Variants in NMNAT3 observed in about 807,000 individuals in gnomAD.
NMNAT3 encodes the protein nicotinamide/nicotinic acid mononucleotide adenylyltransferase 3.
In NMNAT3, 21 loss-of-function variants were observed where a neutral mutation model predicts 24.8. The observed-to-expected ratio is 0.85, with a 90% confidence interval of 0.60 to 1.22. The LOEUF is 1.22. Ranked by LOEUF, NMNAT3 falls within the 50% of genes most tolerant of loss-of-function variation. NMNAT3 has a pLI of 0.00. For synonymous variants in NMNAT3, 136 were observed against 155.2 expected (o/e 0.88, Z 0.92); for missense variants, 387 against 436.6 (o/e 0.89, Z 1.01).
At chr3:139,592,993 C>G (rs2108178094) in intron 3 of NMNAT3, among the ~76,000 whole-genome samples, 1 of 152,208 alleles carries the variant, frequency 6.6e-6, no homozygotes, top group East Asian at 1.9e-4. Flanking sequence ...TGTAAATGGA[C>G]TAAATGCTCC....
intron 3 of NMNAT3, among the ~76,000 whole-genome samples, chr3:139,616,764 T>TTC (rs904038020): frequency 3.3e-5 from 5 of 152,164 alleles, no homozygotes; most frequent in African/African-American, 1.2e-4. Context: ...TCATCCACTC[T>TTC]TCTCTCTCTC....
In NMNAT3 at chr3:139,627,744, C is replaced by G; in HGVS notation, c.-20G>C. ...CTTCATCTTGTCAGGCACATCCACACCTGTTGCAGTGGCCACCCTGCTTTT... is the reference window on the plus strand; with the variant it reads ...CTTCATCTTGTCAGGCACATCCACAGCTGTTGCAGTGGCCACCCTGCTTTT... On this transcript the variant is annotated 5_prime_UTR_variant, in exon 3 of 7. Coordinates refer to ENST00000643695, the MANE Select transcript of NMNAT3 (RefSeq NM_001320510.2). 6.6e-7 allele frequency: 1 copy of G among 1,513,120 alleles called. No individual in the cohort carries two copies. Among genetic ancestry groups the G allele is most frequent in the Non-Finnish European group, 8.9e-7 (1 of 1,117,368 alleles). The allele number at this position is 1,513,120 out of a possible 1,614,324, so 93.7% of individuals were successfully genotyped here.
intron 1 of NMNAT3, among the ~76,000 whole-genome samples, chr3:139,668,415 G>A (rs1463996282): frequency 6.6e-6 from 1 of 152,156 alleles, no homozygotes; most frequent in African/African-American, 2.4e-5. Flanking sequence ...ATAATTTGGG[G>A]CTTCCTGTTT....
At chr3:139,666,191 C>T (rs370771287) in intron 1 of NMNAT3, among the ~76,000 whole-genome samples, 5 of 152,154 alleles carry the variant, frequency 3.3e-5, no homozygotes, top group African/African-American at 1.2e-4. Flanking sequence ...ACATGCCTCC[C>T]ACAGAGAGGT....
intron 3 of NMNAT3, among the ~76,000 whole-genome samples, chr3:139,601,511 A>G (rs2054715489): frequency 6.6e-6 from 1 of 152,244 alleles, no homozygotes; most frequent in South Asian, 2.1e-4. Flanking sequence ...TATCAGTAGA[A>G]TCTGAATTTT....
intron 3 of NMNAT3, among the ~76,000 whole-genome samples, chr3:139,591,736 C>T (rs200077814): frequency 2.1e-3 from 273 of 130,968 alleles, no homozygotes; most frequent in South Asian, 5.1e-3. Context: ...CCGGGTACTC[C>T]AACAGACCTG....
chr3:139,597,319 A>G (rs964692972), intron 3 of NMNAT3, among the ~76,000 whole-genome samples: 1 of 152,050 alleles, frequency 6.6e-6, no homozygotes, highest in African/African-American at 2.4e-5. Flanking sequence ...AAAAATCCCC[A>G]AGTAGGTGCT....
Position 139,596,916 on chromosome 3 carries a change from G to GTA in NMNAT3, c.110-13710_110-13709dup, listed in dbSNP as rs58824425. Among the ~76,000 whole-genome samples, 275 of 96,808 alleles carry GTA rather than the reference G, an allele frequency of 2.8e-3. 1 individual carries two copies. The highest frequency in any genetic ancestry group is 8.9e-3 in the African/African-American group (214 of 24,098). 63.5% of individuals were successfully genotyped at this position (96,808 alleles called of 152,430 possible). On this transcript the variant is annotated intron_variant, in intron 3 of 6. Coordinates refer to ENST00000643695, the MANE Select transcript of NMNAT3 (RefSeq NM_001320510.2). ...TTTCCACTATATTTTTGTCATGTGT[G>GTA]TATATATATATATATATATATATAT...
intron 3 of NMNAT3, among the ~76,000 whole-genome samples, chr3:139,605,589 G>T (rs2054906583): frequency 6.6e-6 from 1 of 152,052 alleles, no homozygotes; most frequent in Admixed American, 6.6e-5. Flanking sequence ...TGTTTACAGG[G>T]TTTATATTCT....
intron 1 of NMNAT3, among the ~76,000 whole-genome samples, chr3:139,656,575 G>A (rs985458556): frequency 2.0e-5 from 3 of 152,138 alleles, no homozygotes; most frequent in Non-Finnish European, 4.4e-5. Flanking sequence ...ATTGCTTGAG[G>A]TTAGGAGTTT....
chr3:139,589,389 G>A (rs1323331620), intron 3 of NMNAT3, among the ~76,000 whole-genome samples: 1 of 152,204 alleles, frequency 6.6e-6, no homozygotes, highest in Non-Finnish European at 1.5e-5. Flanking sequence ...AACATTATAA[G>A]ATTTTAGATG....
At chr3:139,600,603 A>G (rs923058785) in intron 3 of NMNAT3, among the ~76,000 whole-genome samples, 2 of 152,048 alleles carry the variant, frequency 1.3e-5, no homozygotes, top group Non-Finnish European at 2.9e-5. Context: ...ACCTGGATCT[A>G]TTCTTCTCCC....
intron 3 of NMNAT3, among the ~76,000 whole-genome samples, chr3:139,625,647 A>G (rs2056018378): frequency 1.3e-5 from 2 of 152,134 alleles, no homozygotes; most frequent in African/African-American, 4.8e-5. Context: ...AAATCCCACA[A>G]TGTATTGTTA....
chr3:139,638,509 C>G (rs1235724676), intron 1 of NMNAT3, among the ~76,000 whole-genome samples: 1 of 151,796 alleles, frequency 6.6e-6, no homozygotes, highest in African/African-American at 2.4e-5. Context: ...GTAATGACAT[C>G]AGGGGACAGC....
intron 6 of NMNAT3, chr3:139,567,707 G>C (rs1404030318): frequency 6.6e-6 from 1 of 152,186 alleles, no homozygotes; most frequent in Non-Finnish European, 1.5e-5. Flanking sequence ...GATCATGGTG[G>C]ATATGCTTTT....
At chr3:139,644,785 C>T (rs542276154) in intron 1 of NMNAT3, among the ~76,000 whole-genome samples, 3 of 152,110 alleles carry the variant, frequency 2.0e-5, no homozygotes, top group East Asian at 1.9e-4. Flanking sequence ...TGAACACATA[C>T]GTGGTCATAA....
chr3:139,596,013 A>G (rs1014896549), intron 3 of NMNAT3, among the ~76,000 whole-genome samples: 1 of 152,202 alleles, frequency 6.6e-6, no homozygotes, highest in Non-Finnish European at 1.5e-5. Context: ...CTACCATCAG[A>G]CTGAACAGGC....
At chr3:139,576,777 C>A (rs544504681) in intron 5 of NMNAT3, among the ~76,000 whole-genome samples, 55 of 152,158 alleles carry the variant, frequency 3.6e-4, no homozygotes, top group African/African-American at 1.3e-3. Context: ...TAAAAAGAGG[C>A]CTGGTGTGGT....
At chr3:139,613,408 A>C (rs1214229564) in intron 3 of NMNAT3, among the ~76,000 whole-genome samples, 3 of 152,258 alleles carry the variant, frequency 2.0e-5, no homozygotes, top group Admixed American at 6.5e-5. Context: ...TGGCCATCAG[A>C]GAAATGCAAA....
Sources: allele counts gnomAD v4.1 joint callset (sites outside exome capture counted in the v4.1 genomes callset), GRCh38; gene constraint gnomAD v4.1.1; transcripts MANE v1.5; gene names NCBI Gene and HGNC (gene_info 2026-07-23, HGNC 2026-07-21).